The following DIP2C variants were observed in gnomAD, a reference collection of about 807,000 sequenced individuals.
DIP2C encodes the protein disco-interacting protein 2 homolog C.
In DIP2C, 33 loss-of-function variants were observed where a neutral mutation model predicts 192.4. The ratio of observed to expected loss-of-function variants is 0.17; its 90% confidence interval spans 0.13 to 0.23. DIP2C has a LOEUF of 0.23. Among genes scored for constraint, DIP2C ranks in the 10% least tolerant of loss-of-function variants. The pLI is 1.00. For synonymous variants in DIP2C, 979 were observed against 864.1 expected, an observed-to-expected ratio of 1.13 and a Z score of -2.33; for missense variants, 1,537 against 2,110.1, an observed-to-expected ratio of 0.73 and a Z score of 5.32.
chr10:484,961 GAAA>G, intron 2 of DIP2C: 1 of 1,592,126 alleles, frequency 6.3e-7, no homozygotes, highest in South Asian at 1.1e-5. Context: ...GTAACAAGTT[GAAA>G]AAAAACTAAT....
chr10:432,838 T>C (rs1966882692), intron 4 of DIP2C, among the ~76,000 whole-genome samples: 1 of 152,252 alleles, frequency 6.6e-6, no homozygotes, highest in Non-Finnish European at 1.5e-5. Flanking sequence ...TTTAAAAAGT[T>C]TTCATTTTCA....
Position 659,441 on chromosome 10 carries a change from G to A in DIP2C, c.85+30053C>T, listed in dbSNP as rs143617128. ...CCATTATTCAATTCTATACAAAATGGTTTATCCCCCAAATGTAACTTCTTG... is the reference window on the plus strand; with the variant it reads ...CCATTATTCAATTCTATACAAAATGATTTATCCCCCAAATGTAACTTCTTG... On this transcript the variant is annotated intron_variant, in intron 1 of 36. Transcript: ENST00000280886. Among the ~76,000 whole-genome samples the A allele has an allele frequency of 2.3e-4, 35 of 152,218 alleles. No homozygotes were observed. In the East Asian group the frequency reaches 3.5e-3, roughly 15 times the overall value.
intron 6 of DIP2C, among the ~76,000 whole-genome samples, chr10:418,087 T>G (rs1450934566): frequency 4.3e-4 from 2 of 4,644 alleles, no homozygotes; most frequent in Non-Finnish European, 6.2e-4. Context: ...CTGTCAGGCC[T>G]CAGATAGGCA....
rs749980841 is a variant in DIP2C at position 366,417 on chromosome 10, A to G, written c.2132-6T>C. ...CTTCACTGAACACATGATGGCTAAA[A>G]GCAAACAGGAAAGCACATGCAGTGT... On this transcript the variant is annotated splice_polypyrimidine_tract_variant and splice_region_variant and intron_variant, in intron 18 of 36. Transcript: ENST00000280886. 1.2e-6 allele frequency: 2 copies of G among 1,614,076 alleles called. No homozygotes were observed. Among genetic ancestry groups the G allele is most frequent in the East Asian group, 4.5e-5 (2 of 44,900 alleles).
intron 1 of DIP2C, among the ~76,000 whole-genome samples, chr10:539,232 A>G (rs1010095720): frequency 2.2e-4 from 34 of 152,172 alleles, no homozygotes; most frequent in African/African-American, 4.8e-5. Context: ...CGATTCTTAA[A>G]TATTTATTTT....
intron 1 of DIP2C, among the ~76,000 whole-genome samples, chr10:678,650 A>G (rs1320733476): frequency 0.023 from 340 of 14,998 alleles, 5 homozygotes; most frequent in Middle Eastern, 0.1. Context: ...TGCTCCCCGC[A>G]CCTGTCCTCC....
intron 31 of DIP2C, among the ~76,000 whole-genome samples, chr10:311,167 C>T (rs981606702): frequency 8.5e-5 from 13 of 152,154 alleles, no homozygotes; most frequent in African/African-American, 2.2e-4. Context: ...GCTCTACCCC[C>T]GGCTGCTCAG....
At chr10:397,844 G>A (rs528737524) in intron 10 of DIP2C, among the ~76,000 whole-genome samples, 1 of 152,296 alleles carries the variant, frequency 6.6e-6, no homozygotes, top group South Asian at 2.1e-4. Context: ...CTCAGCCAAG[G>A]ACATTCCAAA....
intron 31 of DIP2C, among the ~76,000 whole-genome samples, chr10:312,108 C>A (rs890663314): frequency 1.3e-5 from 2 of 152,170 alleles, no homozygotes; most frequent in Non-Finnish European, 2.9e-5. Flanking sequence ...AAGAATCCAG[C>A]GCTGGGCTCT....
At chr10:589,771 C>T (rs1008113783) in intron 1 of DIP2C, among the ~76,000 whole-genome samples, 3 of 152,212 alleles carry the variant, frequency 2.0e-5, no homozygotes, top group African/African-American at 7.2e-5. Context: ...AGTAGAGGCA[C>T]TGCCCTATGC....
intron 29 of DIP2C, among the ~76,000 whole-genome samples, chr10:336,446 C>G (rs970507778): frequency 2.6e-5 from 4 of 152,164 alleles, no homozygotes; most frequent in African/African-American, 4.8e-5. Flanking sequence ...TCTGTTTACA[C>G]GATGAATCAC....
intron 1 of DIP2C, among the ~76,000 whole-genome samples, chr10:638,826 T>C (rs1209179364): frequency 1.3e-5 from 2 of 152,228 alleles, no homozygotes; most frequent in Non-Finnish European, 2.9e-5. Context: ...ACTGGAGTAA[T>C]GGAAAGAGGT....
At chr10:484,337 A>C (rs901430774) in intron 2 of DIP2C, among the ~76,000 whole-genome samples, 4 of 152,030 alleles carry the variant, frequency 2.6e-5, no homozygotes. Context: ...TATTTCAAAA[A>C]CCCTTACTTT....
chr10:430,888 T>C (rs1966849577), intron 4 of DIP2C, among the ~76,000 whole-genome samples: 1 of 152,250 alleles, frequency 6.6e-6, no homozygotes, highest in Admixed American at 6.5e-5. Flanking sequence ...TTAATTTTTT[T>C]GAAAGATGTA....
At position 514,014 on chromosome 10, in the gene DIP2C, G is replaced by A. The variant is rs377132957; in HGVS notation, c.86-27484C>T. 6.6e-5 allele frequency among the ~76,000 whole-genome samples: 10 copies of A among 152,318 alleles called. No individual in the cohort carries two copies. In the East Asian group the frequency reaches 1.5e-3, roughly 24 times the overall value. The stretch of plus-strand genomic sequence containing the variant: ...TACAAATTCAGATGTAGGATGCTCA[G>A]AAACCTTGAATTTCCAATCAGAGAA... On this transcript the variant is annotated intron_variant, in intron 1 of 36. Transcript: ENST00000280886.
chr10:566,263 G>C (rs192495583), intron 1 of DIP2C, among the ~76,000 whole-genome samples: 1 of 151,880 alleles, frequency 6.6e-6, no homozygotes, highest in Non-Finnish European at 1.5e-5. Flanking sequence ...AACTGTAATC[G>C]TAGTTACCAT....
chr10:511,831 T>C (rs1373072808), intron 1 of DIP2C, among the ~76,000 whole-genome samples: 1 of 152,196 alleles, frequency 6.6e-6, no homozygotes, highest in African/African-American at 2.4e-5. Flanking sequence ...CATTATTAGT[T>C]TTTCAAAACT....
In DIP2C at chr10:393,269, G is replaced by A. The variant is rs79839056; in HGVS notation, c.1261-2406C>T. Among the ~76,000 whole-genome samples, 913 of 152,274 alleles carry A rather than the reference G, an allele frequency of 6.0e-3. 3 individuals are homozygous for A. The highest frequency in any genetic ancestry group is 0.014 in the Middle Eastern group (4 of 294). On this transcript the variant is annotated intron_variant, in intron 10 of 36. Transcript: ENST00000280886. The stretch of plus-strand genomic sequence containing the variant: ...GACTGGCAGATGGAAGCAATATTAG[G>A]ATTCACATACTTAACTACACGAATA...
chr10:283,222 T>G, intron 35 of DIP2C, 50 bp downstream of exon 35: 1 of 1,576,910 alleles, frequency 6.3e-7, no homozygotes, highest in Non-Finnish European at 8.6e-7. Flanking sequence ...TACAGGAGCC[T>G]AACCTCTCTG....
Sources: allele counts gnomAD v4.1 joint callset (sites outside exome capture counted in the v4.1 genomes callset), GRCh38; gene constraint gnomAD v4.1.1; transcripts MANE v1.5; gene names NCBI Gene and HGNC (gene_info 2026-07-23, HGNC 2026-07-21).